Variants in ANO4 observed in about 807,000 individuals in gnomAD.
ANO4 encodes the protein anoctamin 4, also known as anoctamin-4.
Under a neutral mutation model 141.9 loss-of-function variants are expected in ANO4, and 69 were observed. The observed-to-expected ratio is 0.49, with a 90% CI of 0.40 to 0.59. The LOEUF is 0.59. Among genes scored for constraint, ANO4 ranks in the 20% least tolerant of loss-of-function variants. The probability of loss-of-function intolerance (pLI) is 0.00; values close to 1 mark genes in which losing one functional copy is unlikely to be tolerated. For synonymous variants in ANO4, 350 were observed against 394.3 expected (o/e 0.89, Z 1.33); for missense variants, 894 against 1,162.2 (o/e 0.77, Z 3.36).
intron 17 of ANO4, among the ~76,000 whole-genome samples, chr12:101,093,898 G>A (rs1183067911): frequency 2.0e-5 from 3 of 152,224 alleles, no homozygotes; most frequent in Admixed American, 1.3e-4. Flanking sequence ...GAGATTTTAC[G>A]TTCAAGATGC....
intron 1 of ANO4, among the ~76,000 whole-genome samples, chr12:100,826,705 A>G (rs1410388205): frequency 6.6e-6 from 1 of 151,952 alleles, no homozygotes; most frequent in Non-Finnish European, 1.5e-5. Context: ...TCTAAGTATG[A>G]GATCTCAGTG....
intron 1 of ANO4, among the ~76,000 whole-genome samples, chr12:100,851,241 A>T (rs2037855571): frequency 6.6e-6 from 1 of 152,194 alleles, no homozygotes; most frequent in South Asian, 2.1e-4. Context: ...TTTTTTAAAA[A>T]CATGCACAAT....
In ANO4 at chr12:101,110,390, TTTTTC is replaced by T; in HGVS notation, c.2150-7_2150-3del. The T allele has an allele frequency of 2.5e-6, 4 of 1,600,274 alleles. No individual in the cohort carries two copies. Among genetic ancestry groups the T allele is most frequent in the Non-Finnish European group, 3.4e-6 (4 of 1,174,630 alleles). ...ACCAATACTCTCTGCTCTTTTTCCT[TTTTTC>T]TTTTCTAGTTCTTCAGTTTGGATTC... On this transcript the variant is annotated splice_polypyrimidine_tract_variant and intron_variant, in intron 22 of 27. Coordinates refer to ENST00000392977, the MANE Select transcript of ANO4 (RefSeq NM_001286615.2).
chr12:100,783,008 C>T (rs1476831366), intron 3 of ANO4, among the ~76,000 whole-genome samples: 2 of 152,160 alleles, frequency 1.3e-5, no homozygotes, highest in African/African-American at 4.8e-5. Flanking sequence ...TCATTGTTAA[C>T]AGAATCTGAA....
Position 100,926,602 on chromosome 12 carries a change from TTG to T in ANO4, c.160+4298_160+4299del, listed in dbSNP as rs3059281. The stretch of plus-strand genomic sequence containing the variant: ...ATGTGAAAGTATAACAAGGGTGTGT[TTG>T]TGTGTGTGTGTGTGTGTGTGTGTGT... On this transcript the variant is annotated intron_variant, in intron 3 of 27. Coordinates refer to ENST00000392977, the MANE Select transcript of ANO4 (RefSeq NM_001286615.2). Among the ~76,000 whole-genome samples the T allele has an allele frequency of 3.8e-3, 557 of 147,146 alleles. 1 individual carries two copies. The highest frequency in any genetic ancestry group is 7.0e-3 in the Middle Eastern group (2 of 284).
intron 14 of ANO4, chr12:101,066,973 T>C: frequency 1.2e-5 from 8 of 677,452 alleles, no homozygotes; most frequent in Non-Finnish European, 2.2e-5. Flanking sequence ...ACACTCTTCA[T>C]GTACCCTAGA....
In ANO4 at chr12:101,079,197, A is replaced by C. The variant is rs369280518; in HGVS notation, c.1317A>C (p.Thr439=). ...GTCTTTCTCTGCTTGTTCCAGCAACAGTTTTCCTGGAGTTTTGGAAAAGAC... is the reference window on the plus strand; with the variant it reads ...GTCTTTCTCTGCTTGTTCCAGCAACCGTTTTCCTGGAGTTTTGGAAAAGAC... ...FFAVFMAVWA[T]VFLEFWKRRR... is the part of the protein sequence containing the mutation. The change falls in exon 15 of 28, where the codon ACA becomes ACC. Residue 439 remains threonine (T), a synonymous_variant. Coordinates refer to ENST00000392977, the MANE Select transcript of ANO4 (RefSeq NM_001286615.2). 1.9e-6 allele frequency: 3 copies of C among 1,613,724 alleles called. No homozygotes were observed. Among genetic ancestry groups the C allele is most frequent in the Non-Finnish European group, 2.5e-6 (3 of 1,179,748 alleles).
At chr12:101,013,208 T>C (rs2046174482) in intron 8 of ANO4, among the ~76,000 whole-genome samples, 1 of 152,076 alleles carries the variant, frequency 6.6e-6, no homozygotes, top group Non-Finnish European at 1.5e-5. Context: ...TGGTTTGAGT[T>C]TTTTCTTAGA....
At chr12:100,745,727 T>C (rs944378163) in intron 3 of ANO4, among the ~76,000 whole-genome samples, 3 of 152,336 alleles carry the variant, frequency 2.0e-5, no homozygotes, top group Admixed American at 6.5e-5. Context: ...TAATAGAATG[T>C]ATATATATGA....
intron 6 of ANO4, among the ~76,000 whole-genome samples, chr12:100,972,823 A>G (rs556846258): frequency 8.5e-5 from 13 of 152,228 alleles, no homozygotes; most frequent in Admixed American, 2.6e-4. Context: ...CTTCTGCCAG[A>G]ACACACTTCT....
intron 1 of ANO4, among the ~76,000 whole-genome samples, chr12:100,882,899 C>G (rs1041258405): frequency 6.6e-6 from 1 of 152,060 alleles, no homozygotes; most frequent in African/African-American, 2.4e-5. Context: ...CGAGGTTTCT[C>G]CATGTTGGCC....
intron 3 of ANO4, among the ~76,000 whole-genome samples, chr12:100,742,515 G>A (rs1276438264): frequency 6.6e-6 from 1 of 152,076 alleles, no homozygotes; most frequent in African/African-American, 2.4e-5. Context: ...TCCAGACTTT[G>A]CCAGACATCC....
chr12:100,934,471 A>G (rs1034678177), intron 3 of ANO4, among the ~76,000 whole-genome samples: 9 of 151,804 alleles, frequency 5.9e-5, no homozygotes, highest in Admixed American at 1.3e-4. Flanking sequence ...TGGTTTTGGT[A>G]CCAGTACCAT....
intron 2 of ANO4, among the ~76,000 whole-genome samples, chr12:100,916,356 T>C (rs993325360): frequency 4.6e-5 from 7 of 152,162 alleles, no homozygotes; most frequent in African/African-American, 1.4e-4. Flanking sequence ...CAAGATGCTT[T>C]AAATTGTAGA....
chr12:100,843,717 G>A (rs1264389998), intron 1 of ANO4, among the ~76,000 whole-genome samples: 3 of 152,206 alleles, frequency 2.0e-5, no homozygotes, highest in Non-Finnish European at 4.4e-5. Context: ...TGAATAAGGA[G>A]AGAGGAATGG....
At chr12:100,888,422 C>G (rs529243263) in intron 1 of ANO4, among the ~76,000 whole-genome samples, 30 of 152,344 alleles carry the variant, frequency 2.0e-4, no homozygotes, top group Non-Finnish European at 3.8e-4. Flanking sequence ...AAACATGCCT[C>G]AAGAGGCAAG....
At chr12:100,891,769 G>A (rs1215249909) in intron 1 of ANO4, among the ~76,000 whole-genome samples, 1 of 152,084 alleles carries the variant, frequency 6.6e-6, no homozygotes, top group African/African-American at 2.4e-5. Flanking sequence ...TGGTGAGAAT[G>A]CTTAAAATTA....
Position 101,043,565 on chromosome 12 carries a change from T to C in ANO4, c.1181T>C (p.Ile394Thr), listed in dbSNP as rs528441528. 6.2e-7 allele frequency: 1 copy of C among 1,613,748 alleles called. No individual in the cohort carries two copies. Among genetic ancestry groups the C allele is most frequent in the Admixed American group, 1.7e-5 (1 of 60,024 alleles). Residue 394 changes from isoleucine to threonine, a missense_variant, in exon 13 of 28, where the codon ATC becomes ACC. Coordinates refer to ENST00000392977, the MANE Select transcript of ANO4 (RefSeq NM_001286615.2). ...VSKEVCQATD[I>T]IMCPVCDKYC... ...AAAGAAGTCTGCCAAGCTACAGATA[T>C]CATCATGTGTCCTGTGTGTGATAAA...
chr12:101,048,121 C>A (rs2047704772), intron 13 of ANO4: 5 of 1,112,122 alleles, frequency 4.5e-6, no homozygotes, highest in South Asian at 2.1e-5. Flanking sequence ...TAGATGATAA[C>A]CACATAAAGA....
Sources: allele counts gnomAD v4.1 joint callset (sites outside exome capture counted in the v4.1 genomes callset), GRCh38; gene constraint gnomAD v4.1.1; transcripts MANE v1.5; gene names NCBI Gene and HGNC (gene_info 2026-07-23, HGNC 2026-07-21).